Variants in ADAMTS3 observed in about 807,000 individuals in gnomAD.
The protein encoded by ADAMTS3 is A disintegrin and metalloproteinase with thrombospondin motifs 3.
A neutral mutation model predicts 129.0 loss-of-function variants in ADAMTS3; 73 were observed. That is an observed-to-expected ratio of 0.57 (90% CI 0.47 to 0.69). The LOEUF (loss-of-function observed/expected upper bound fraction) is 0.69, where lower values mean the gene tolerates loss of function less well. ADAMTS3 is among the 30% of genes least tolerant of loss of function. The probability of loss-of-function intolerance (pLI) is 0.00; values close to 1 mark genes in which losing one functional copy is unlikely to be tolerated. For missense variants in ADAMTS3, 1,457 were observed against 1,514.5 expected (o/e 0.96, Z 0.63); for synonymous variants, 477 against 510.8 (o/e 0.93, Z 0.89).
chr4:72,331,132 A>G (rs1191447987), intron 5 of ADAMTS3, among the ~76,000 whole-genome samples: 2 of 152,208 alleles, frequency 1.3e-5, no homozygotes, highest in Non-Finnish European at 2.9e-5. Flanking sequence ...GGGACCTCTT[A>G]GTCAGCAATA....
At chr4:72,290,785 C>A (rs752434679) in intron 20 of ADAMTS3, 70 bp downstream of exon 20, 47 of 1,518,638 alleles carry the variant, frequency 3.1e-5, no homozygotes, top group African/African-American at 4.1e-5. Context: ...GATGTTTAAG[C>A]CAAATTAAAA....
chr4:72,339,741 C>T lies in ADAMTS3; in HGVS notation c.662-48G>A, dbSNP rs766103516. ...AGGAATTTCAGTTTCCCTAACAGGC[C>T]TTCCAATCACTTCTTAGAAAAAAAG... On this transcript the variant is annotated intron_variant, in intron 4 of 21. Transcript: ENST00000286657. 5.6e-6 allele frequency: 8 copies of T among 1,436,046 alleles called. No individual in the cohort carries two copies. In the African/African-American group the frequency reaches 9.9e-5, roughly 18 times the overall value. The allele number at this position is 1,436,046 out of a possible 1,614,324, so 89.0% of individuals were successfully genotyped here.
chr4:72,284,131 C>G (rs1182811933), intron 21 of ADAMTS3, among the ~76,000 whole-genome samples: 1 of 152,020 alleles, frequency 6.6e-6, no homozygotes, highest in African/African-American at 2.4e-5. Context: ...AATGTGAAAT[C>G]AAAATAAATA....
At chr4:72,426,824 G>A (rs1722586430) in intron 3 of ADAMTS3, among the ~76,000 whole-genome samples, 1 of 151,994 alleles carries the variant, frequency 6.6e-6, no homozygotes, top group Non-Finnish European at 1.5e-5. Context: ...AACCCTGGAG[G>A]TCAAGACTGC....
At chr4:72,323,685 TG>T (rs1268692646) in intron 5 of ADAMTS3, among the ~76,000 whole-genome samples, 2 of 152,200 alleles carry the variant, frequency 1.3e-5, no homozygotes, top group African/African-American at 4.8e-5. Context: ...CTAAGGAGAC[TG>T]TACGAGTACC....
intron 3 of ADAMTS3, among the ~76,000 whole-genome samples, chr4:72,530,820 T>G (rs1463890685): frequency 1.9e-5 from 2 of 106,058 alleles, no homozygotes; most frequent in Admixed American, 2.8e-4. Flanking sequence ...TATTATATAT[T>G]ATATAGATTA....
At chr4:72,394,174 G>T (rs1285205174) in intron 4 of ADAMTS3, among the ~76,000 whole-genome samples, 5 of 152,130 alleles carry the variant, frequency 3.3e-5, no homozygotes, top group Non-Finnish European at 7.4e-5. Flanking sequence ...GCCCTTCAGA[G>T]GGCCCCATTC....
At chr4:72,321,421 G>C (rs1212974348) in intron 6 of ADAMTS3, among the ~76,000 whole-genome samples, 1 of 151,670 alleles carries the variant, frequency 6.6e-6, no homozygotes, top group Non-Finnish European at 1.5e-5. Flanking sequence ...GACCTCAAAT[G>C]ATCTTCCTGC....
chr4:72,314,387 G>A (rs75584835), intron 11 of ADAMTS3, among the ~76,000 whole-genome samples: 5,239 of 152,174 alleles, frequency 0.034, 447 homozygotes, highest in Admixed American at 0.2. Flanking sequence ...TTGAGGCCCA[G>A]AAAGGTTCAT....
At chr4:72,421,705 T>C (rs1009413001) in intron 3 of ADAMTS3, among the ~76,000 whole-genome samples, 8 of 152,166 alleles carry the variant, frequency 5.3e-5, no homozygotes, top group Admixed American at 1.3e-4. Flanking sequence ...ACAGAAAGAC[T>C]TAAGTGTCAA....
chr4:72,303,941 A>C lies in ADAMTS3; in HGVS notation c.2400T>G (p.Pro800=). 1.9e-6 allele frequency: 3 copies of C among 1,613,634 alleles called. No homozygotes were observed. Among genetic ancestry groups the C allele is most frequent in the East Asian group, 2.2e-5 (1 of 44,838 alleles). ...DDIESLHTDG[P]LHDPVIVLII... is the part of the protein sequence containing the mutation. Reference sequence around the variant, plus strand: ...CCAAAACAATAACAGGATCATGTAAAGGTCCATCGGTGTGAAGACTTTCAA... The same window carrying C: ...CCAAAACAATAACAGGATCATGTAACGGTCCATCGGTGTGAAGACTTTCAA... Residue 800 remains proline (P), a synonymous_variant, in exon 17 of 22, where the codon CCT becomes CCG. Coordinates refer to ENST00000286657, the MANE Select transcript of ADAMTS3 (RefSeq NM_014243.3).
At chr4:72,452,050 CTGCACTCCA>C (rs1718422328) in intron 3 of ADAMTS3, among the ~76,000 whole-genome samples, 2 of 151,740 alleles carry the variant, frequency 1.3e-5, no homozygotes, top group South Asian at 2.1e-4. Context: ...GATCCTGCCA[CTGCACTCCA>C]TGCACTCCAG....
intron 3 of ADAMTS3, among the ~76,000 whole-genome samples, chr4:72,515,406 G>A (rs1424986480): frequency 7.9e-5 from 12 of 151,916 alleles, no homozygotes; most frequent in Admixed American, 1.3e-4. Flanking sequence ...TTGAGGAATC[G>A]CCACACTGAC....
chr4:72,357,840 G>A (rs115158451), intron 4 of ADAMTS3, among the ~76,000 whole-genome samples: 4 of 151,904 alleles, frequency 2.6e-5, no homozygotes, highest in Non-Finnish European at 5.9e-5. Context: ...TCCACAAAAA[G>A]ATTTAAATAT....
At chr4:72,523,530 T>A (rs1720728948) in intron 3 of ADAMTS3, among the ~76,000 whole-genome samples, 1 of 152,090 alleles carries the variant, frequency 6.6e-6, no homozygotes, top group African/African-American at 2.4e-5. Context: ...CAGCATAACA[T>A]GTGAAACAAT....
chr4:72,370,170 T>C (rs1415232787), intron 4 of ADAMTS3, among the ~76,000 whole-genome samples: 2 of 152,124 alleles, frequency 1.3e-5, no homozygotes, highest in Non-Finnish European at 2.9e-5. Flanking sequence ...AAACAACTCA[T>C]TACCAAAAGA....
At chr4:72,485,396 AT>A (rs1028843006) in intron 3 of ADAMTS3, among the ~76,000 whole-genome samples, 2 of 152,146 alleles carry the variant, frequency 1.3e-5, no homozygotes, top group African/African-American at 4.8e-5. Context: ...AATTTTTAAA[AT>A]TTTGATCAGA....
At chr4:72,538,448 A>G (rs560017380) in intron 3 of ADAMTS3, among the ~76,000 whole-genome samples, 103 of 152,248 alleles carry the variant, frequency 6.8e-4, no homozygotes, top group African/African-American at 2.5e-3. Flanking sequence ...ATTTCTCATC[A>G]GAAACTTTTA....
At chr4:72,565,864 T>C (rs1046167765) in intron 2 of ADAMTS3, among the ~76,000 whole-genome samples, 8 of 152,220 alleles carry the variant, frequency 5.3e-5, no homozygotes, top group Non-Finnish European at 1.0e-4. Context: ...CCTAATTCTA[T>C]CTTAAAATTC....
Sources: gnomAD v4.1 joint callset for allele counts (sites outside exome capture counted in the v4.1 genomes callset) on GRCh38, gnomAD v4.1.1 for gene constraint, MANE v1.5 for transcripts, NCBI Gene and HGNC (gene_info 2026-07-23, HGNC 2026-07-21) for gene names.